The following DCC variants were observed in gnomAD, a reference collection of about 807,000 sequenced individuals.
DCC encodes the protein netrin receptor DCC.
A neutral mutation model predicts 172.5 loss-of-function variants in DCC; 58 were observed. That is an observed-to-expected ratio of 0.34 (90% CI 0.27 to 0.42). The LOEUF (loss-of-function observed/expected upper bound fraction) is 0.42. Ranked by LOEUF, DCC falls within the 10% of genes least tolerant of loss-of-function variation. DCC has a pLI of 1.00. For synonymous variants in DCC, 709 were observed against 644.5 expected, an observed-to-expected ratio of 1.10 and a Z score of -1.52; for missense variants, 1,740 against 1,791.0, an observed-to-expected ratio of 0.97 and a Z score of 0.51.
intron 1 of DCC, among the ~76,000 whole-genome samples, chr18:52,603,828 T>C (rs1328597633): frequency 6.6e-6 from 1 of 152,114 alleles, no homozygotes; most frequent in Non-Finnish European, 1.5e-5. Flanking sequence ...AAAGAGCATA[T>C]GCTTTTCCTT....
At chr18:53,006,462 T>C (rs1195683606) in intron 5 of DCC, among the ~76,000 whole-genome samples, 1 of 152,148 alleles carries the variant, frequency 6.6e-6, no homozygotes, top group East Asian at 1.9e-4. Context: ...ATAGAAGAAC[T>C]AGCAAAAGAG....
At chr18:52,684,454 T>C (rs1168717902) in intron 1 of DCC, among the ~76,000 whole-genome samples, 1 of 152,070 alleles carries the variant, frequency 6.6e-6, no homozygotes, top group Non-Finnish European at 1.5e-5. Flanking sequence ...GATACAATTA[T>C]ATGTAATCAT....
At chr18:53,184,932 T>C (rs910460591) in intron 9 of DCC, among the ~76,000 whole-genome samples, 1 of 152,284 alleles carries the variant, frequency 6.6e-6, no homozygotes, top group Admixed American at 6.5e-5. Context: ...TTTACAATGA[T>C]TAACTGCACT....
chr18:53,271,175 C>A (rs1255682464), intron 12 of DCC, among the ~76,000 whole-genome samples: 1 of 152,080 alleles, frequency 6.6e-6, no homozygotes, highest in Admixed American at 6.6e-5. Context: ...GGAGCACTTT[C>A]TTTTCTACAA....
chr18:52,944,006 C>T (rs138138406), intron 5 of DCC, among the ~76,000 whole-genome samples: 2 of 152,300 alleles, frequency 1.3e-5, no homozygotes, highest in East Asian at 3.9e-4. Flanking sequence ...GATCTGCCTT[C>T]CTCAGCCTCT....
chr18:53,463,033 T>G (rs1249546396), intron 24 of DCC, among the ~76,000 whole-genome samples: 1 of 152,264 alleles, frequency 6.6e-6, no homozygotes, highest in South Asian at 2.1e-4. Context: ...GGCTTTCGCC[T>G]GGGGAGTGAC....
chr18:53,393,937 C>T (rs1308392239), intron 17 of DCC, among the ~76,000 whole-genome samples: 2 of 152,050 alleles, frequency 1.3e-5, no homozygotes, highest in Non-Finnish European at 2.9e-5. Context: ...CTCCCTCCCC[C>T]TATATATCCA....
intron 2 of DCC, among the ~76,000 whole-genome samples, chr18:52,883,768 G>T (rs1027824322): frequency 6.6e-5 from 10 of 151,822 alleles, no homozygotes; most frequent in African/African-American, 2.4e-4. Context: ...ATAATATCCT[G>T]TGTTTTTCTG....
At chr18:53,070,875 T>C (rs2042642452) in intron 7 of DCC, among the ~76,000 whole-genome samples, 2 of 152,206 alleles carry the variant, frequency 1.3e-5, no homozygotes, top group African/African-American at 4.8e-5. Context: ...GCCACTCCAA[T>C]TCCTCAGAGA....
At chr18:52,837,965 C>G (rs2038738354) in intron 2 of DCC, among the ~76,000 whole-genome samples, 1 of 152,060 alleles carries the variant, frequency 6.6e-6, no homozygotes, top group Non-Finnish European at 1.5e-5. Flanking sequence ...AAATGAATGC[C>G]CAGTGAAGGG....
intron 1 of DCC, among the ~76,000 whole-genome samples, chr18:52,510,751 G>A (rs2031406628): frequency 6.6e-6 from 1 of 152,030 alleles, no homozygotes; most frequent in South Asian, 2.1e-4. Flanking sequence ...AATATCATCG[G>A]TCTTCCCTGG....
At position 52,745,516 on chromosome 18, in the gene DCC, A is replaced by G. The variant is rs372598114; in HGVS notation, c.92-6538A>G. 2.3e-3 allele frequency among the ~76,000 whole-genome samples: 353 copies of G among 152,154 alleles called. 1 individual carries two copies. The highest frequency in any genetic ancestry group is 8.4e-3 in the African/African-American group (346 of 41,382). On this transcript the variant is annotated intron_variant, in intron 1 of 28. Transcript: ENST00000442544. ...ATGTATTTTTATTTTTAATTGGCAC[A>G]CAATAGTTGTACACATTTATAGGAT...
intron 5 of DCC, among the ~76,000 whole-genome samples, chr18:53,047,440 T>TAC (rs1468124330): frequency 7.9e-5 from 7 of 89,164 alleles, no homozygotes; most frequent in Admixed American, 2.0e-4. Flanking sequence ...TATATATATA[T>TAC]ATATATATAT....
chr18:52,379,366 G>T (rs1341800140), intron 1 of DCC, among the ~76,000 whole-genome samples: 3 of 151,980 alleles, frequency 2.0e-5, no homozygotes, highest in African/African-American at 7.2e-5. Flanking sequence ...AGGCTCTTCT[G>T]CTTATTAGCT....
chr18:53,028,040 C>T (rs559970671), intron 5 of DCC, among the ~76,000 whole-genome samples: 33 of 152,146 alleles, frequency 2.2e-4, no homozygotes, highest in African/African-American at 7.7e-4. Context: ...TAGCAGTAAT[C>T]GCATAATGAC....
At chr18:53,308,044 T>G (rs2057223916) in intron 13 of DCC, among the ~76,000 whole-genome samples, 1 of 150,294 alleles carries the variant, frequency 6.7e-6, no homozygotes, top group Non-Finnish European at 1.5e-5. Flanking sequence ...TTCCAAATTC[T>G]ACGAGTTTAT....
chr18:53,198,102 T>C (rs10221412), intron 9 of DCC, among the ~76,000 whole-genome samples: 77,468 of 151,854 alleles, frequency 0.51, 20,535 homozygotes, highest in African/African-American at 0.56. Flanking sequence ...TATGTTTTCC[T>C]GTTATAAAGT....
Position 52,791,302 on chromosome 18 carries a change from A to C in DCC, c.412+38928A>C, listed in dbSNP as rs79482181. 5.1e-3 allele frequency among the ~76,000 whole-genome samples: 781 copies of C among 152,202 alleles called. 6 individuals are homozygous for C. Among genetic ancestry groups the C allele is most frequent in the African/African-American group, 0.017 (719 of 41,554 alleles). On this transcript the variant is annotated intron_variant, in intron 2 of 28. Transcript: ENST00000442544. ...CTTTTTCTTTAAAATCTCAGGGTGAAAGGAGTTCCAGTGCTTCAGAATGCA... is the reference window on the plus strand; with the variant it reads ...CTTTTTCTTTAAAATCTCAGGGTGACAGGAGTTCCAGTGCTTCAGAATGCA...
intron 28 of DCC, chr18:53,527,033 T>C (rs2144619704): frequency 4.4e-6 from 2 of 456,774 alleles, no homozygotes; most frequent in East Asian, 9.0e-5. Context: ...GAACGTGTGG[T>C]TTTACACCCA....
Sources: allele counts gnomAD v4.1 joint callset (sites outside exome capture counted in the v4.1 genomes callset), GRCh38; gene constraint gnomAD v4.1.1; transcripts MANE v1.5; gene names NCBI Gene and HGNC (gene_info 2026-07-23, HGNC 2026-07-21).